Variants in MYH11 observed in about 807,000 individuals in gnomAD.
The protein encoded by MYH11 is myosin heavy chain 11.
Under a neutral mutation model 246.6 loss-of-function variants are expected in MYH11, and 80 were observed. The observed-to-expected ratio is 0.32, with a 90% confidence interval of 0.27 to 0.39. The LOEUF (loss-of-function observed/expected upper bound fraction) is 0.39. Ranked by LOEUF, MYH11 falls within the 10% of genes least tolerant of loss-of-function variation. MYH11 has a pLI of 1.00. For synonymous variants in MYH11, 1,071 were observed against 1,015.5 expected, an observed-to-expected ratio of 1.05 and a Z score of -1.04; for missense variants, 2,158 against 2,546.8, an observed-to-expected ratio of 0.85 and a Z score of 3.29.
At chr16:15,728,257 T>C (rs1476711848) in intron 27 of MYH11, among the ~76,000 whole-genome samples, 1 of 152,132 alleles carries the variant, frequency 6.6e-6, no homozygotes, top group Non-Finnish European at 1.5e-5. Flanking sequence ...TAACATTCTA[T>C]GTGGTGACTG....
Position 15,854,960 on chromosome 16 carries a change from C to G in MYH11, c.-18+1981G>C, listed in dbSNP as rs187566330. ...TTCAATGGGTGAGGGACATGGTAGACAAATCCCCAGGGCCAGGACCAACCG... is the reference window on the plus strand; with the variant it reads ...TTCAATGGGTGAGGGACATGGTAGAGAAATCCCCAGGGCCAGGACCAACCG... On this transcript the variant is annotated intron_variant, in intron 1 of 40. Coordinates refer to ENST00000300036, the MANE Select transcript of MYH11 (RefSeq NM_002474.3). Among the ~76,000 whole-genome samples, 6 of 152,088 alleles carry G rather than the reference C, an allele frequency of 3.9e-5. No homozygotes were observed. The East Asian group carries it at 7.7e-4, about 20-fold the overall frequency.
intron 31 of MYH11, 76 bp from the exon 32 acceptor site, chr16:15,721,710 G>T: frequency 6.7e-7 from 1 of 1,487,076 alleles, no homozygotes; most frequent in Non-Finnish European, 9.4e-7. Flanking sequence ...ACCGGGGGAA[G>T]CCCTGTGTCC....
At chr16:15,793,550 C>T (rs1268451129) in intron 4 of MYH11, among the ~76,000 whole-genome samples, 2 of 151,976 alleles carry the variant, frequency 1.3e-5, no homozygotes, top group Non-Finnish European at 2.9e-5. Flanking sequence ...GCCTCGGCCT[C>T]TCAAGGCCCT....
chr16:15,753,243 A>T (rs1340853050), intron 15 of MYH11, 151 bp downstream of exon 15: 1 of 736,606 alleles, frequency 1.4e-6, no homozygotes, highest in Non-Finnish European at 2.4e-6. Context: ...AATTGTTTCA[A>T]CGAGACATCA....
chr16:15,727,535 G>A (rs2040830527), intron 27 of MYH11, among the ~76,000 whole-genome samples: 1 of 152,118 alleles, frequency 6.6e-6, no homozygotes, highest in South Asian at 2.1e-4. Context: ...AAGCTCATGG[G>A]TTGCAATCTG....
intron 1 of MYH11, among the ~76,000 whole-genome samples, chr16:15,843,669 C>T (rs1228301638): frequency 1.4e-5 from 2 of 147,748 alleles, no homozygotes; most frequent in Non-Finnish European, 3.0e-5. Context: ...CGCTGCACTC[C>T]AGCCTGGACG....
rs571395315 is a variant in MYH11, at chr16:15,811,749, C to T, written c.502+11506G>A. Among the ~76,000 whole-genome samples the T allele has an allele frequency of 7.2e-5, 11 of 152,178 alleles. No homozygotes were observed. In the South Asian group the frequency reaches 8.3e-4, roughly 11 times the overall value. On this transcript the variant is annotated intron_variant, in intron 3 of 40. Coordinates refer to ENST00000300036, the MANE Select transcript of MYH11 (RefSeq NM_002474.3). ...AGAAAGTCGTTTGGATCACTCCACC[C>T]GCAGAGTTGTCTTAAGCTTAAAGAG...
chr16:15,710,554 C>T (rs970258032), intron 40 of MYH11, among the ~76,000 whole-genome samples: 4 of 152,018 alleles, frequency 2.6e-5, no homozygotes, highest in African/African-American at 7.2e-5. Context: ...AATCACTGGG[C>T]CTGAGAAAGG....
chr16:15,712,882 G>GGTTTTTTTTTTT (rs2039886822), intron 40 of MYH11: 1 of 90,636 alleles, frequency 1.1e-5, no homozygotes, highest in African/African-American at 4.5e-5. Context: ...TTCACATACA[G>GGTTTTTTTTTTT]TTTTTTTTTT....
In MYH11 at chr16:15,831,471, G is replaced by GTGTA. The variant is rs758236243; in HGVS notation, c.345+6436_345+6437insTACA. Among the ~76,000 whole-genome samples the GTGTA allele has an allele frequency of 7.3e-3, 1,102 of 150,746 alleles. 16 individuals carry two copies. Among genetic ancestry groups the GTGTA allele is most frequent in the African/African-American group, 0.026 (1,059 of 40,780 alleles). On this transcript the variant is annotated intron_variant, in intron 2 of 40. Transcript: ENST00000300036. ...ACTTTTTCTTATGTTTGGGGTGTGT[G>GTGTA]TGTGTGTGTGTGTGTGTGTGTGTGT...
chr16:15,841,818 G>A (rs2044059381), intron 1 of MYH11, among the ~76,000 whole-genome samples: 1 of 152,184 alleles, frequency 6.6e-6, no homozygotes, highest in African/African-American at 2.4e-5. Context: ...AGGACATATG[G>A]CCACCAGGAT....
intron 4 of MYH11, among the ~76,000 whole-genome samples, chr16:15,788,587 ATCCTACAGG>A (rs2151309626): frequency 6.6e-6 from 1 of 152,306 alleles, no homozygotes; most frequent in East Asian, 1.9e-4. Flanking sequence ...GCTGTGCCTA[ATCCTACAGG>A]TCCCACTGTC....
chr16:15,769,264 C>T (rs1055158014), intron 9 of MYH11, among the ~76,000 whole-genome samples: 10 of 152,162 alleles, frequency 6.6e-5, no homozygotes, highest in East Asian at 5.8e-4. Context: ...TGCAGTGAGC[C>T]GAGGTCGTGC....
At chr16:15,814,553 C>CAAAAAAAAAAAAAAAAAAAAAAAA (rs58806731) in intron 3 of MYH11, among the ~76,000 whole-genome samples, 2 of 22,826 alleles carry the variant, frequency 8.8e-5, no homozygotes, top group Non-Finnish European at 2.3e-4. Context: ...AACTCCATCT[C>CAAAAAAAAAAAAAAAAAAAAAAAA]AAAAAAAAAA....
chr16:15,779,489 A>C (rs917290196), intron 6 of MYH11: 1 of 159,398 alleles, frequency 6.3e-6, no homozygotes, highest in Non-Finnish European at 1.4e-5. Context: ...AAAGAGATCA[A>C]GTGACTTGTC....
chr16:15,747,832 C>G (rs758647769), intron 18 of MYH11, 42 bp downstream of exon 18: 1 of 1,613,182 alleles, frequency 6.2e-7, no homozygotes, highest in Admixed American at 1.7e-5. Context: ...AGGTGGCTTG[C>G]GGCCAGAGGT....
chr16:15,770,899 G>T (rs747281192), intron 9 of MYH11, among the ~76,000 whole-genome samples: 2 of 152,076 alleles, frequency 1.3e-5, no homozygotes, highest in Non-Finnish European at 1.5e-5. Context: ...ATCCTATAGA[G>T]AAACAATGTA....
chr16:15,848,577 G>A (rs28535135), intron 1 of MYH11, among the ~76,000 whole-genome samples: 28,680 of 151,942 alleles, frequency 0.19, 3,340 homozygotes, highest in East Asian at 0.43. Flanking sequence ...ATTCTGTGTC[G>A]TGAGGGGAGC....
intron 2 of MYH11, among the ~76,000 whole-genome samples, chr16:15,834,507 C>G (rs920881246): frequency 2.2e-5 from 3 of 134,584 alleles, no homozygotes; most frequent in African/African-American, 8.3e-5. Flanking sequence ...GCCTGAGCAA[C>G]AAAAGTGAAA....
Sources: gnomAD v4.1 joint callset for allele counts (sites outside exome capture counted in the v4.1 genomes callset) on GRCh38, gnomAD v4.1.1 for gene constraint, MANE v1.5 for transcripts, NCBI Gene and HGNC (gene_info 2026-07-23, HGNC 2026-07-21) for gene names.